The following FSIP1 variants were observed in gnomAD, a reference collection of about 807,000 sequenced individuals.
FSIP1 encodes the protein fibrous sheath interacting protein 1, also known as fibrous sheath-interacting protein 1.
A neutral mutation model predicts 60.9 loss-of-function variants in FSIP1; 65 were observed. That is an observed-to-expected ratio of 1.07 (90% CI 0.87 to 1.31). The LOEUF is 1.31. Ranked by LOEUF, FSIP1 falls within the 40% of genes most tolerant of loss-of-function variation. The pLI is 0.00. For missense variants in FSIP1, 675 were observed against 665.5 expected, an observed-to-expected ratio of 1.01 and a Z score of -0.16; for synonymous variants, 209 against 221.2, an observed-to-expected ratio of 0.94 and a Z score of 0.49.
chr15:39,641,172 G>A (rs1293052268), intron 10 of FSIP1, among the ~76,000 whole-genome samples: 1 of 152,028 alleles, frequency 6.6e-6, no homozygotes, highest in Non-Finnish European at 1.5e-5. Flanking sequence ...AATGCATAAG[G>A]AAGCTAACAC....
chr15:39,602,248 A>G (rs1184369619), intron 11 of FSIP1: 4 of 441,344 alleles, frequency 9.1e-6, no homozygotes, highest in Admixed American at 5.0e-5. Flanking sequence ...CAATGTGAAG[A>G]CGGAGGCAGA....
At chr15:39,750,797 C>T (rs1897139245) in intron 5 of FSIP1, among the ~76,000 whole-genome samples, 1 of 151,310 alleles carries the variant, frequency 6.6e-6, no homozygotes, top group Admixed American at 6.6e-5. Flanking sequence ...GAGACTACAA[C>T]AAACTAAGAA....
At chr15:39,777,767 T>C (rs553835848) in intron 1 of FSIP1, among the ~76,000 whole-genome samples, 18 of 152,298 alleles carry the variant, frequency 1.2e-4, no homozygotes, top group African/African-American at 4.3e-4. Flanking sequence ...ACAAATCCTT[T>C]CCTAAATTCC....
At chr15:39,638,166 A>G (rs576055327) in intron 10 of FSIP1, among the ~76,000 whole-genome samples, 7 of 152,262 alleles carry the variant, frequency 4.6e-5, no homozygotes, top group Non-Finnish European at 1.0e-4. Context: ...TTAAAATTCT[A>G]CAAGGACTGA....
At chr15:39,649,706 C>T (rs1211493763) in intron 10 of FSIP1, among the ~76,000 whole-genome samples, 2 of 152,196 alleles carry the variant, frequency 1.3e-5, no homozygotes, top group African/African-American at 2.4e-5. Flanking sequence ...CTGCCGTCGT[C>T]CTCTGCCCAG....
chr15:39,649,696 C>G (rs10520142), intron 10 of FSIP1, among the ~76,000 whole-genome samples: 65,636 of 152,048 alleles, frequency 0.43, 16,043 homozygotes, highest in African/African-American at 0.68. Context: ...TTTTTCTACT[C>G]TGCCGTCGTC....
intron 10 of FSIP1, among the ~76,000 whole-genome samples, chr15:39,624,244 T>C (rs1369737061): frequency 1.3e-5 from 2 of 152,186 alleles, no homozygotes; most frequent in East Asian, 3.8e-4. Flanking sequence ...CTATAATTAC[T>C]ATGAAGTACG....
intron 10 of FSIP1, among the ~76,000 whole-genome samples, chr15:39,701,845 T>C (rs2631698): frequency 0.81 from 123,779 of 152,128 alleles, 50,818 homozygotes; most frequent in Non-Finnish European, 0.87. Flanking sequence ...AGGAGTCCTC[T>C]ACCGTGGATT....
At chr15:39,780,547 C>T (rs1192415988) in intron 1 of FSIP1, among the ~76,000 whole-genome samples, 2 of 152,192 alleles carry the variant, frequency 1.3e-5, no homozygotes, top group Admixed American at 6.5e-5. Context: ...TTTATTTTAT[C>T]TATTTTTCTA....
intron 5 of FSIP1, among the ~76,000 whole-genome samples, chr15:39,754,252 A>G (rs1467359360): frequency 6.6e-6 from 1 of 151,946 alleles, no homozygotes; most frequent in African/African-American, 2.4e-5. Flanking sequence ...CGATTCTCCA[A>G]CTCCAATAAA....
At position 39,751,400 on chromosome 15, in the gene FSIP1, A is replaced by G. The variant is rs1273856709; in HGVS notation, c.560-9500T>C. ...GTGTCCATTGGCAGATGAATGGATA[A>G]AGCAACTGTAATACATAAACACACA... is the stretch of plus-strand genomic sequence containing the variant. On this transcript the variant is annotated intron_variant, in intron 5 of 11. Transcript: ENST00000350221. 9.3e-5 allele frequency among the ~76,000 whole-genome samples: 13 copies of G among 139,400 alleles called. No homozygotes were observed. The East Asian group carries it at 2.7e-3, about 29-fold the overall frequency. 91.5% of individuals were successfully genotyped at this position (139,400 alleles called of 152,430 possible).
At chr15:39,619,099 A>G (rs1891350110) in intron 10 of FSIP1, among the ~76,000 whole-genome samples, 1 of 152,194 alleles carries the variant, frequency 6.6e-6, no homozygotes, top group East Asian at 1.9e-4. Context: ...AATGACTTTA[A>G]TTTCTACTTC....
chr15:39,724,208 GA>G (rs1362049757), intron 9 of FSIP1, among the ~76,000 whole-genome samples: 1 of 150,904 alleles, frequency 6.6e-6, no homozygotes, highest in Non-Finnish European at 1.5e-5. Flanking sequence ...TGTGAACTCT[GA>G]AAATGTGATT....
intron 10 of FSIP1, among the ~76,000 whole-genome samples, chr15:39,703,218 G>T (rs1207283368): frequency 6.6e-6 from 1 of 152,100 alleles, no homozygotes; most frequent in Non-Finnish European, 1.5e-5. Context: ...CCAACCTCAG[G>T]TGATCCACCC....
intron 9 of FSIP1, among the ~76,000 whole-genome samples, chr15:39,721,206 C>T (rs1423882695): frequency 6.6e-6 from 1 of 152,196 alleles, no homozygotes; most frequent in Non-Finnish European, 1.5e-5. Flanking sequence ...GACTTAACCA[C>T]ATTGACTCAA....
At position 39,600,704 on chromosome 15, in the gene FSIP1, T is replaced by C. The variant is rs916353354; in HGVS notation, c.*176A>G. 7.1e-5 allele frequency: 37 copies of C among 522,870 alleles called. No homozygotes were observed. The highest frequency in any genetic ancestry group is 4.4e-4 in the Admixed American group (11 of 25,070). 32.4% of individuals were successfully genotyped at this position (522,870 alleles called of 1,614,324 possible). A position where few individuals can be genotyped will look rare whatever the true frequency, so the allele number is the denominator to read the frequency against. On this transcript the variant is annotated 3_prime_UTR_variant, in exon 12 of 12. Coordinates refer to ENST00000350221, the MANE Select transcript of FSIP1 (RefSeq NM_152597.5). ...TAATGAGCAAAAACCACTGAACAATTACACCCCAAGTCTCAAAAATATCAA... is the reference window on the plus strand; with the variant it reads ...TAATGAGCAAAAACCACTGAACAATCACACCCCAAGTCTCAAAAATATCAA...
chr15:39,754,746 G>A (rs937388636), intron 5 of FSIP1, among the ~76,000 whole-genome samples: 1 of 152,028 alleles, frequency 6.6e-6, no homozygotes, highest in Non-Finnish European at 1.5e-5. Context: ...ATAGGAGGAA[G>A]AAGGAAAGAA....
At chr15:39,769,198 G>T (rs1424939598) in intron 3 of FSIP1, among the ~76,000 whole-genome samples, 1 of 150,430 alleles carries the variant, frequency 6.6e-6, no homozygotes, top group African/African-American at 2.4e-5. Flanking sequence ...AGAATGGCGT[G>T]AACCCGGGAG....
chr15:39,643,387 AT>A, intron 10 of FSIP1, among the ~76,000 whole-genome samples: 1 of 152,340 alleles, frequency 6.6e-6, no homozygotes, highest in South Asian at 2.1e-4. Flanking sequence ...ATTCTAGAAA[AT>A]ATTTGTGCAC....
Sources: gnomAD v4.1 joint callset for allele counts (sites outside exome capture counted in the v4.1 genomes callset) on GRCh38, gnomAD v4.1.1 for gene constraint, MANE v1.5 for transcripts, NCBI Gene and HGNC (gene_info 2026-07-23, HGNC 2026-07-21) for gene names.